Variants in PLCG2 observed in about 807,000 individuals in gnomAD.
PLCG2 encodes 1-phosphatidylinositol 4,5-bisphosphate phosphodiesterase gamma-2.
Under a neutral mutation model 175.6 loss-of-function variants are expected in PLCG2, and 69 were observed. The observed-to-expected ratio is 0.39, with a 90% CI of 0.32 to 0.48. PLCG2 has a LOEUF of 0.48. PLCG2 is among the 20% of genes least tolerant of loss of function. The pLI is 0.91. For missense variants in PLCG2, 1,798 were observed against 1,650.9 expected, an observed-to-expected ratio of 1.09 and a Z score of -1.54; for synonymous variants, 827 against 624.0, an observed-to-expected ratio of 1.33 and a Z score of -4.85.
At chr16:81,864,452 A>G (rs1342909902) in intron 5 of PLCG2, among the ~76,000 whole-genome samples, 1 of 152,206 alleles carries the variant, frequency 6.6e-6, no homozygotes, top group African/African-American at 2.4e-5. Flanking sequence ...TGTCTCCATC[A>G]TTGTTGAAAG....
At chr16:81,946,351 A>T (rs1158350283) in intron 31 of PLCG2, 88 bp downstream of exon 31, 4 of 903,220 alleles carry the variant, frequency 4.4e-6, no homozygotes, top group Non-Finnish European at 7.4e-6. Context: ...TGGCAGATGG[A>T]CTTAAGCCCA....
In PLCG2 at chr16:81,870,904, A is replaced by T. The variant is rs766231080; in HGVS notation, c.617A>T (p.Tyr206Phe). The T allele has an allele frequency of 6.9e-6, 11 of 1,601,168 alleles. No homozygotes were observed. Among genetic ancestry groups the T allele is most frequent in the South Asian group, 1.1e-5 (1 of 89,322 alleles). ...ELSFEQFHLF[Y>F]KKLMFEQQKS... ...AGCTTTGAACAGTTCCATCTCTTCT[A>T]TAAAAAACTTATGTTTGAACAGCAA... The change falls in exon 7 of 33, where the codon TAT becomes TTT. Residue 206 changes from tyrosine to phenylalanine, a missense_variant. Transcript: ENST00000564138.
intron 14 of PLCG2, among the ~76,000 whole-genome samples, chr16:81,901,108 T>C (rs371998865): frequency 1.3e-5 from 2 of 152,244 alleles, no homozygotes; most frequent in Non-Finnish European, 2.9e-5. Context: ...TAACCTGTTA[T>C]AGTTCATTTG....
intron 2 of PLCG2, among the ~76,000 whole-genome samples, chr16:81,810,487 T>C (rs74029220): frequency 1.3e-5 from 2 of 152,210 alleles, no homozygotes; most frequent in African/African-American, 2.4e-5. Flanking sequence ...TGGTCATTCT[T>C]GGTGATGCAG....
intron 9 of PLCG2, among the ~76,000 whole-genome samples, chr16:81,887,974 C>T (rs1430208317): frequency 6.6e-6 from 1 of 152,128 alleles, no homozygotes. Flanking sequence ...CCCTGTTTGC[C>T]TATTCTTTTG....
chr16:81,881,038 T>G (rs1908054689), intron 8 of PLCG2, 85 bp downstream of exon 8: 1 of 1,371,102 alleles, frequency 7.3e-7, no homozygotes, highest in South Asian at 1.2e-5. Flanking sequence ...AGGGGATGCC[T>G]GTGTGTGCAG....
chr16:81,900,314 T>G (rs137863303), intron 13 of PLCG2, among the ~76,000 whole-genome samples: 2 of 151,958 alleles, frequency 1.3e-5, no homozygotes, highest in East Asian at 3.9e-4. Context: ...AAAAAAAGAT[T>G]AGAGACTTTT....
rs1041005644 is a variant in PLCG2, at chr16:81,907,399, A to T, written c.1468-286A>T. On this transcript the variant is annotated intron_variant, in intron 15 of 32. Transcript: ENST00000564138. ...AAATCCTGAAAGTTTTAAAAGGTAGATGGAATAGAAAAGAAAATGATGAGG... is the reference window on the plus strand; with the variant it reads ...AAATCCTGAAAGTTTTAAAAGGTAGTTGGAATAGAAAAGAAAATGATGAGG... Among the ~76,000 whole-genome samples the T allele has an allele frequency of 2.0e-5, 3 of 152,188 alleles. 1 individual carries two copies. Among genetic ancestry groups the T allele is most frequent in the Admixed American group, 2.0e-4 (3 of 15,284 alleles).
intron 17 of PLCG2, among the ~76,000 whole-genome samples, 168 bp from the exon 18 acceptor site, chr16:81,910,352 A>G (rs930320956): frequency 7.9e-5 from 12 of 152,136 alleles, no homozygotes; most frequent in African/African-American, 2.4e-4. Flanking sequence ...CGGCCTCCCA[A>G]AGTGCTGGGA....
intron 28 of PLCG2, among the ~76,000 whole-genome samples, chr16:81,938,155 C>T (rs941248507): frequency 3.3e-5 from 5 of 152,130 alleles, no homozygotes; most frequent in East Asian, 1.9e-4. Context: ...TGAGGTATGA[C>T]CCTATCTTTC....
At chr16:81,802,051 G>A (rs1453605247) in intron 2 of PLCG2, among the ~76,000 whole-genome samples, 1 of 135,544 alleles carries the variant, frequency 7.4e-6, no homozygotes, top group East Asian at 2.4e-4. Flanking sequence ...ATTCTGTCTG[G>A]AATGAAAAAA....
chr16:81,796,251 C>T (rs1488397919), intron 2 of PLCG2, among the ~76,000 whole-genome samples: 1 of 152,256 alleles, frequency 6.6e-6, no homozygotes, highest in Non-Finnish European at 1.5e-5. Flanking sequence ...GCCCTCCCCT[C>T]CCCAGCACAG....
chr16:81,919,429 A>C, intron 19 of PLCG2, 55 bp from the exon 20 acceptor site: 1 of 1,462,642 alleles, frequency 6.8e-7, no homozygotes, highest in South Asian at 1.2e-5. Flanking sequence ...TTTGTGTAAA[A>C]ATTGTTTGGC....
Position 81,849,296 on chromosome 16 carries a change from G to A in PLCG2, c.194-5148G>A, listed in dbSNP as rs555957389. 2.0e-5 allele frequency among the ~76,000 whole-genome samples: 3 copies of A among 152,312 alleles called. No homozygotes were observed. The South Asian group carries it at 6.2e-4, about 32-fold the overall frequency. On this transcript the variant is annotated intron_variant, in intron 2 of 32. Transcript: ENST00000564138. ...AGATAATGGTGGCTTGGATTGTGGT[G>A]TTGGCCATGGAAATGGATAGACGTT...
chr16:81,941,537 CT>C (rs759103960), intron 30 of PLCG2, among the ~76,000 whole-genome samples: 2 of 151,160 alleles, frequency 1.3e-5, no homozygotes, highest in Non-Finnish European at 2.9e-5. Flanking sequence ...TGAAACAAGA[CT>C]TTGGGAAAAT....
In PLCG2 at chr16:81,915,468, C is replaced by T. The variant is rs567406563; in HGVS notation, c.2054+2752C>T. Among the ~76,000 whole-genome samples the T allele has an allele frequency of 7.2e-5, 11 of 152,348 alleles. No homozygotes were observed. The South Asian group carries it at 1.9e-3, about 26-fold the overall frequency. On this transcript the variant is annotated intron_variant, in intron 19 of 32. Coordinates refer to ENST00000564138, the MANE Select transcript of PLCG2 (RefSeq NM_002661.5). Reference sequence around the variant, plus strand: ...CCTCAGGCTGTGGCCGTGGCATCCACGCTCCAGGAGGATGGAAGATGCAAC... The same window carrying T: ...CCTCAGGCTGTGGCCGTGGCATCCATGCTCCAGGAGGATGGAAGATGCAAC...
intron 8 of PLCG2, among the ~76,000 whole-genome samples, chr16:81,881,205 C>T (rs1908063213): frequency 6.6e-6 from 1 of 151,606 alleles, no homozygotes; most frequent in African/African-American, 2.4e-5. Context: ...CTCAGGGCCT[C>T]CTTTCCCCGA....
chr16:81,895,326 T>G (rs1003543347), intron 12 of PLCG2, among the ~76,000 whole-genome samples: 15 of 152,146 alleles, frequency 9.9e-5, no homozygotes, highest in Middle Eastern at 3.2e-3. Flanking sequence ...TTTGGGAAGC[T>G]GAGGTGGATG....
At chr16:81,880,010 A>C (rs966453708) in intron 7 of PLCG2, among the ~76,000 whole-genome samples, 1 of 152,218 alleles carries the variant, frequency 6.6e-6, no homozygotes, top group Non-Finnish European at 1.5e-5. Context: ...GGGGCTCAGG[A>C]GGGAGCATCT....
Sources: allele counts gnomAD v4.1 joint callset (sites outside exome capture counted in the v4.1 genomes callset), GRCh38; gene constraint gnomAD v4.1.1; transcripts MANE v1.5; gene names NCBI Gene and HGNC (gene_info 2026-07-23, HGNC 2026-07-21).